NUMB: variants seen among roughly 807,000 people sequenced by gnomAD.
NUMB encodes the protein NUMB endocytic adaptor protein.
A neutral mutation model predicts 59.7 loss-of-function variants in NUMB; 29 were observed. The observed-to-expected ratio is 0.49, with a 90% confidence interval of 0.36 to 0.66. The LOEUF (loss-of-function observed/expected upper bound fraction) is 0.66, where lower values mean the gene tolerates loss of function less well. NUMB is among the 30% of genes least tolerant of loss of function. The pLI is 0.00. For synonymous variants in NUMB, 288 were observed against 288.2 expected, an observed-to-expected ratio of 1.00 and a Z score of 0.01; for missense variants, 723 against 822.0, an observed-to-expected ratio of 0.88 and a Z score of 1.47.
At chr14:73,453,780 T>C (rs1884158117) in intron 1 of NUMB, among the ~76,000 whole-genome samples, 1 of 151,990 alleles carries the variant, frequency 6.6e-6, no homozygotes, top group African/African-American at 2.4e-5. Flanking sequence ...GCTAATTTTT[T>C]GTGTTTTTAG....
intron 6 of NUMB, among the ~76,000 whole-genome samples, chr14:73,310,582 G>C (rs1243865950): frequency 1.3e-5 from 2 of 152,294 alleles, no homozygotes; most frequent in East Asian, 3.9e-4. Flanking sequence ...CTAAGTTTCA[G>C]AAAACCTTGC....
chr14:73,398,415 AGTGT>A (rs57407662), intron 2 of NUMB, among the ~76,000 whole-genome samples: 7,276 of 118,644 alleles, frequency 0.061, 265 homozygotes, highest in Middle Eastern at 0.12. Context: ...AGAGAGAGAG[AGTGT>A]GTGTGTGTGT....
intron 2 of NUMB, among the ~76,000 whole-genome samples, chr14:73,375,443 A>G (rs569640859): frequency 1.8e-4 from 28 of 152,328 alleles, no homozygotes; most frequent in African/African-American, 5.5e-4. Context: ...ATCCCAGGTA[A>G]TGTGTGTCAT....
chr14:73,340,153 G>C (rs752487954), intron 4 of NUMB, among the ~76,000 whole-genome samples: 23 of 152,238 alleles, frequency 1.5e-4, no homozygotes, highest in Non-Finnish European at 2.5e-4. Context: ...TCACTGGCAG[G>C]ATGCTGGGCC....
chr14:73,367,830 C>T (rs1048685849), intron 2 of NUMB, among the ~76,000 whole-genome samples: 11 of 146,506 alleles, frequency 7.5e-5, no homozygotes, highest in Non-Finnish European at 1.5e-4. Flanking sequence ...GGAATATTTA[C>T]GAGAAATAAA....
At chr14:73,443,168 T>G (rs72736373) in intron 1 of NUMB, among the ~76,000 whole-genome samples, 2,079 of 152,274 alleles carry the variant, frequency 0.014, 61 homozygotes, top group Non-Finnish European at 0.014. Flanking sequence ...CACCCAGCCC[T>G]GTTTACCTTA....
intron 1 of NUMB, among the ~76,000 whole-genome samples, chr14:73,427,693 T>C (rs1272864881): frequency 2.0e-5 from 3 of 152,110 alleles, no homozygotes; most frequent in Non-Finnish European, 4.4e-5. Flanking sequence ...TGCTGTTATG[T>C]CTTGAATAAC....
At chr14:73,389,425 C>T (rs1047156725) in intron 2 of NUMB, among the ~76,000 whole-genome samples, 3 of 151,808 alleles carry the variant, frequency 2.0e-5, no homozygotes, top group African/African-American at 4.8e-5. Flanking sequence ...CAGGTTCAAG[C>T]GATTCTCCTG....
chr14:73,371,737 G>C lies in NUMB; in HGVS notation c.-100-4756C>G, dbSNP rs141241992. Among the ~76,000 whole-genome samples, 732 of 152,198 alleles carry C rather than the reference G, an allele frequency of 4.8e-3. 7 individuals are homozygous for C. Among genetic ancestry groups the C allele is most frequent in the African/African-American group, 0.017 (699 of 41,522 alleles). ...CCCTCCTGAATGGGATTAAGGCTTC[G>C]TGCAGCTTCAGCTAGCTTGCTTTTC... On this transcript the variant is annotated intron_variant, in intron 2 of 12. Transcript: ENST00000555238.
At chr14:73,457,202 T>C (rs1884439999) in intron 1 of NUMB, among the ~76,000 whole-genome samples, 1 of 152,140 alleles carries the variant, frequency 6.6e-6, no homozygotes, top group Non-Finnish European at 1.5e-5. Flanking sequence ...CTGATAAGTA[T>C]TTACTTCTAC....
intron 4 of NUMB, among the ~76,000 whole-genome samples, chr14:73,327,050 TA>T (rs71112729): frequency 4.0e-5 from 6 of 149,790 alleles, no homozygotes; most frequent in Admixed American, 1.3e-4. Flanking sequence ...TAAGGAAATT[TA>T]AAAAAAAAAC....
intron 6 of NUMB, among the ~76,000 whole-genome samples, chr14:73,311,881 C>G (rs1252875055): frequency 6.6e-6 from 1 of 152,124 alleles, no homozygotes; most frequent in Non-Finnish European, 1.5e-5. Context: ...CAGTCTATTT[C>G]TCGTAGATTA....
chr14:73,309,297 A>T (rs962529700), intron 6 of NUMB, among the ~76,000 whole-genome samples: 10 of 152,222 alleles, frequency 6.6e-5, no homozygotes, highest in African/African-American at 2.4e-4. Context: ...CACTATTCAC[A>T]ATAGCAAAGA....
chr14:73,352,503 T>C lies in NUMB; in HGVS notation c.126+3123A>G, dbSNP rs868149297. ...ATATATATATATATATATATATATA[T>C]ATATATATATATATATATATATATA... On this transcript the variant is annotated intron_variant, in intron 4 of 12. Transcript: ENST00000555238. Among the ~76,000 whole-genome samples, 70 of 14,210 alleles carry C rather than the reference T, an allele frequency of 4.9e-3. 8 individuals are homozygous for C. Among genetic ancestry groups the C allele is most frequent in the African/African-American group, 7.2e-3 (17 of 2,374 alleles). 9.3% of individuals were successfully genotyped at this position (14,210 alleles called of 152,430 possible).
chr14:73,365,583 C>A (rs1894309441), intron 3 of NUMB, among the ~76,000 whole-genome samples: 1 of 151,032 alleles, frequency 6.6e-6, no homozygotes, highest in East Asian at 2.0e-4. Context: ...CCAGCCTGGG[C>A]AACATAGCAA....
chr14:73,420,635 C>T (rs1456733437), intron 1 of NUMB, among the ~76,000 whole-genome samples: 2 of 152,082 alleles, frequency 1.3e-5, no homozygotes, highest in East Asian at 3.9e-4. Flanking sequence ...GCTTGCTTGA[C>T]GTGGCAAAAC....
intron 1 of NUMB, among the ~76,000 whole-genome samples, chr14:73,414,870 C>T (rs1212648189): frequency 6.6e-6 from 1 of 152,146 alleles, no homozygotes; most frequent in Non-Finnish European, 1.5e-5. Context: ...CAGGCGCCCA[C>T]CACCACGCCC....
chr14:73,323,025 A>T, intron 5 of NUMB, 105 bp downstream of exon 5: 1 of 812,558 alleles, frequency 1.2e-6, no homozygotes, highest in Non-Finnish European at 2.0e-6. Flanking sequence ...ACATCTTTTT[A>T]ACAGAAACAC....
chr14:73,372,407 A>G (rs1894753993), intron 2 of NUMB, among the ~76,000 whole-genome samples: 1 of 145,232 alleles, frequency 6.9e-6, no homozygotes, highest in Admixed American at 7.0e-5. Context: ...GTATACGCAT[A>G]CACACATATA....
Sources: allele counts gnomAD v4.1 joint callset (sites outside exome capture counted in the v4.1 genomes callset), GRCh38; gene constraint gnomAD v4.1.1; transcripts MANE v1.5; gene names NCBI Gene and HGNC (gene_info 2026-07-23, HGNC 2026-07-21).